ADGRG2: variants seen among roughly 807,000 people sequenced by gnomAD.
ADGRG2 encodes G protein-coupled receptor 64.
Under a neutral mutation model 74.1 loss-of-function variants are expected in ADGRG2, and 26 were observed. The observed-to-expected ratio is 0.35, with a 90% CI of 0.26 to 0.49. ADGRG2 has a LOEUF of 0.49. ADGRG2 is among the 20% of genes least tolerant of loss of function. The pLI is 0.99. For synonymous variants in ADGRG2, 296 were observed against 295.2 expected, an observed-to-expected ratio of 1.00 and a Z score of -0.03; for missense variants, 619 against 763.1, an observed-to-expected ratio of 0.81 and a Z score of 2.22.
chrX:19,066,327 T>C lies in ADGRG2; in HGVS notation c.118+2390A>G, dbSNP rs374118511. On this transcript the variant is annotated intron_variant, in intron 3 of 28. Coordinates refer to ENST00000379869, the MANE Select transcript of ADGRG2 (RefSeq NM_001079858.3). ...TTGCTGCTAGTAGATTTTTATCTTA[T>C]GCAATAAAGATTCCTTGGTCCTGCC... Among the ~76,000 whole-genome samples the C allele has an allele frequency of 4.0e-4, 45 of 111,441 alleles. 1 individual carries two copies. The highest frequency in any genetic ancestry group is 3.1e-3 in the East Asian group (11 of 3,561).
intron 14 of ADGRG2, 67 bp from the exon 15 acceptor site, chrX:19,019,732 C>A: frequency 1.7e-6 from 1 of 581,046 alleles, no homozygotes; most frequent in Non-Finnish European, 3.0e-6. Flanking sequence ...GGTGGCAGCT[C>A]AGAACCATTA....
At chrX:19,035,190 G>A (rs990817121) in intron 7 of ADGRG2, 2 of 112,048 alleles carry the variant, frequency 1.8e-5, no homozygotes, top group South Asian at 3.7e-4. Context: ...CAGGAATGTC[G>A]CTAGGCACGA....
At chrX:19,080,274 G>A (rs1414397103) in intron 2 of ADGRG2, among the ~76,000 whole-genome samples, 3 of 110,853 alleles carry the variant, frequency 2.7e-5, no homozygotes, top group Admixed American at 9.7e-5. Flanking sequence ...TCATACCTGC[G>A]ATCTACCATA....
chrX:19,057,425 C>G (rs995807048), intron 3 of ADGRG2, among the ~76,000 whole-genome samples: 4 of 111,995 alleles, frequency 3.6e-5, no homozygotes, highest in African/African-American at 1.3e-4. Context: ...GTAAAGGAGA[C>G]TTGAAGATGA....
intron 2 of ADGRG2, among the ~76,000 whole-genome samples, chrX:19,077,323 T>A (rs1368959627): frequency 7.0e-4 from 54 of 77,148 alleles, no homozygotes; most frequent in African/African-American, 2.8e-3. Context: ...ATGATGAAAC[T>A]CTGTCTCTAC....
At position 19,029,697 on chromosome X, in the gene ADGRG2, T is replaced by TTC. The variant is rs1386306443; in HGVS notation, c.358+1286_358+1287insGA. 2.7e-5 allele frequency among the ~76,000 whole-genome samples: 3 copies of TTC among 110,192 alleles called. No homozygotes were observed. In the East Asian group the frequency reaches 8.5e-4, roughly 31 times the overall value. On this transcript the variant is annotated intron_variant, in intron 9 of 28. Coordinates refer to ENST00000379869, the MANE Select transcript of ADGRG2 (RefSeq NM_001079858.3). ...TGTTACTCAAGATGACCAGTTTTTT[T>TTC]TTTTTTAACTACATGTTCAATTTTC... is the stretch of plus-strand genomic sequence containing the variant.
rs5901654 is a variant in ADGRG2, at chrX:19,079,914, GT to G, written c.-2+2787del. Among the ~76,000 whole-genome samples the G allele has an allele frequency of 1.7e-3, 167 of 96,174 alleles. 1 individual carries two copies. Among genetic ancestry groups the G allele is most frequent in the Middle Eastern group, 5.3e-3 (1 of 190 alleles). The allele number at this position is 96,174 out of a possible 115,157, so 83.5% of individuals were successfully genotyped here. A position where few individuals can be genotyped will look rare whatever the true frequency, so the allele number is the denominator to read the frequency against. ...CTGCTTTTTGTCTGGTTTGGTTTTTGTTTTTTTTTTTTTGAGACGGAGTTTT... is the reference window on the plus strand; with the variant it reads ...CTGCTTTTTGTCTGGTTTGGTTTTTGTTTTTTTTTTTTGAGACGGAGTTTT... On this transcript the variant is annotated intron_variant, in intron 2 of 28. Transcript: ENST00000379869.
chrX:19,061,231 G>A (rs746370680), intron 3 of ADGRG2, among the ~76,000 whole-genome samples: 2 of 109,878 alleles, frequency 1.8e-5, no homozygotes, highest in East Asian at 5.6e-4. Context: ...TACTGCTGAT[G>A]TAAGCTGAGG....
chrX:19,071,241 T>C (rs191034192), intron 2 of ADGRG2, among the ~76,000 whole-genome samples: 1 of 111,814 alleles, frequency 8.9e-6, no homozygotes, highest in East Asian at 2.8e-4. Flanking sequence ...GAAGAGGGCT[T>C]GCATATCTTA....
intron 3 of ADGRG2, among the ~76,000 whole-genome samples, chrX:19,053,309 G>A (rs2061355462): frequency 9.0e-6 from 1 of 111,385 alleles, no homozygotes; most frequent in Admixed American, 9.6e-5. Context: ...TGAAAAGAGA[G>A]GTTCAACAGA....
intron 1 of ADGRG2, among the ~76,000 whole-genome samples, chrX:19,115,917 A>C (rs939897544): frequency 1.8e-5 from 2 of 110,586 alleles, no homozygotes; most frequent in Non-Finnish European, 3.8e-5. Context: ...TCTAAGAAAA[A>C]AAAAAGTGCA....
Position 19,014,037 on chromosome X carries a change from G to C in ADGRG2, c.748C>G (p.Pro250Ala), listed in dbSNP as rs2146591185. 8.3e-7 allele frequency: 1 copy of C among 1,204,555 alleles called. No individual in the cohort carries two copies. Among genetic ancestry groups the C allele is most frequent in the East Asian group, 3.0e-5 (1 of 33,693 alleles). Residue 250 changes from proline (P) to alanine (A), a missense_variant, in exon 16 of 29, where the codon CCA becomes GCA. This residue lies in a region of ADGRG2 where 292 missense variants were observed against 318.0 expected (regional missense o/e 0.92). Coordinates refer to ENST00000379869, the MANE Select transcript of ADGRG2 (RefSeq NM_001079858.3). ...CTGGAAGAAAATGGTGGGCCACGTGGATGGTCAGCAAGACAGACAATGGGA... is the reference window on the plus strand; with the variant it reads ...CTGGAAGAAAATGGTGGGCCACGTGCATGGTCAGCAAGACAGACAATGGGA... ...QDPIVCLADHPRGPPFSSSQS... is the reference protein window; with the variant it reads ...QDPIVCLADHARGPPFSSSQS...
chrX:19,075,218 T>C (rs1283457386), intron 2 of ADGRG2, among the ~76,000 whole-genome samples: 3 of 106,425 alleles, frequency 2.8e-5, no homozygotes, highest in Non-Finnish European at 5.8e-5. Context: ...TAAAAAGAGA[T>C]CTACACCTAG....
intron 20 of ADGRG2, 56 bp from the exon 21 acceptor site, chrX:19,006,321 AGC>A: frequency 1.7e-5 from 13 of 765,389 alleles, no homozygotes; most frequent in Non-Finnish European, 2.4e-5. Context: ...AAAAAAAAAA[AGC>A]AAAACTGAAA....
At chrX:19,116,506 CA>C (rs10677696) in intron 1 of ADGRG2, among the ~76,000 whole-genome samples, 248 of 24,006 alleles carry the variant, frequency 0.01, no homozygotes, top group Non-Finnish European at 0.014. Flanking sequence ...GATTCCGTCT[CA>C]AAAAAAAAAA....
chrX:19,086,313 G>C (rs2061935573), intron 1 of ADGRG2, among the ~76,000 whole-genome samples: 1 of 111,290 alleles, frequency 9.0e-6, no homozygotes, highest in African/African-American at 3.3e-5. Context: ...GCACGGAACA[G>C]AGAAATTTCG....
chrX:19,082,039 C>T (rs1425428158), intron 2 of ADGRG2, among the ~76,000 whole-genome samples: 1 of 93,808 alleles, frequency 1.1e-5, no homozygotes, highest in African/African-American at 4.2e-5. Flanking sequence ...CGCCACTGCG[C>T]TCCTACCTGG....
chrX:19,093,188 T>C (rs950089428), intron 1 of ADGRG2, among the ~76,000 whole-genome samples: 1 of 112,055 alleles, frequency 8.9e-6, no homozygotes, highest in East Asian at 2.8e-4. Context: ...CACCTCCACT[T>C]CCTCTTCCCA....
intron 24 of ADGRG2, 31 bp from the exon 25 acceptor site, chrX:18,999,991 A>AT (rs754958892): frequency 0.1 from 51,028 of 511,793 alleles, 179 homozygotes; most frequent in African/African-American, 0.13. Flanking sequence ...GTCACACCTA[A>AT]TTTTTTTTTT....
Sources: allele counts gnomAD v4.1 joint callset (sites outside exome capture counted in the v4.1 genomes callset), GRCh38; gene constraint gnomAD v4.1.1; regional missense constraint gnomAD v4.1.1; transcripts MANE v1.5; gene names NCBI Gene and HGNC (gene_info 2026-07-23, HGNC 2026-07-21).